The following KAZN variants were observed in gnomAD, a reference collection of about 807,000 sequenced individuals.
KAZN encodes kazrin, periplakin interacting protein.
KAZN carries 40 observed loss-of-function variants against 87.4 expected under a neutral mutation model. That is an observed-to-expected ratio of 0.46 (90% CI 0.36 to 0.60). KAZN has a LOEUF of 0.60. KAZN is among the 20% of genes least tolerant of loss of function. The pLI is 0.00. For synonymous variants in KAZN, 466 were observed against 458.3 expected (o/e 1.02, Z -0.22); for missense variants, 898 against 1,073.9 (o/e 0.84, Z 2.29).
chr1:14,652,453 A>G (rs1638447706), intron 1 of KAZN, among the ~76,000 whole-genome samples: 1 of 130,638 alleles, frequency 7.7e-6, no homozygotes, highest in African/African-American at 2.9e-5. Context: ...CCACCCACCC[A>G]TCTGCCTATC....
At chr1:14,100,430 A>G (rs529842904) in intron 1 of KAZN, among the ~76,000 whole-genome samples, 21 of 152,350 alleles carry the variant, frequency 1.4e-4, no homozygotes, top group African/African-American at 5.1e-4. Context: ...GTAGTTTATT[A>G]CAGCAAAAGG....
intron 1 of KAZN, among the ~76,000 whole-genome samples, chr1:14,809,446 T>A (rs757192845): frequency 6.6e-6 from 1 of 152,208 alleles, no homozygotes; most frequent in Non-Finnish European, 1.5e-5. Context: ...TATGTGCCGG[T>A]TGGTACCAAC....
At chr1:14,048,106 C>T (rs1642156248) in intron 1 of KAZN, among the ~76,000 whole-genome samples, 1 of 152,138 alleles carries the variant, frequency 6.6e-6, no homozygotes, top group African/African-American at 2.4e-5. Context: ...CTCTCTGCCT[C>T]ATTTTTCTCT....
chr1:15,070,363 G>C (rs933662124), intron 8 of KAZN, among the ~76,000 whole-genome samples: 1 of 152,180 alleles, frequency 6.6e-6, no homozygotes, highest in African/African-American at 2.4e-5. Flanking sequence ...AGCAGAAACC[G>C]GCTGCTGTCC....
chr1:14,347,130 G>C (rs963981584), intron 2 of KAZN, among the ~76,000 whole-genome samples: 3 of 152,200 alleles, frequency 2.0e-5, no homozygotes, highest in Non-Finnish European at 2.9e-5. Context: ...TGACACCTTT[G>C]CTTTGGGGAA....
At chr1:14,020,279 C>T (rs191464642) in intron 1 of KAZN, among the ~76,000 whole-genome samples, 10 of 152,272 alleles carry the variant, frequency 6.6e-5, no homozygotes, top group Non-Finnish European at 8.8e-5. Flanking sequence ...TAACAGGCCA[C>T]GGACTGATAT....
chr1:14,640,779 G>C (rs968824476), intron 1 of KAZN, among the ~76,000 whole-genome samples: 1 of 152,160 alleles, frequency 6.6e-6, no homozygotes, highest in Admixed American at 6.5e-5. Context: ...TGCCTTCACT[G>C]TCCATCCCCT....
chr1:14,831,477 G>C lies in KAZN; in HGVS notation c.227-129207G>C, dbSNP rs528042712. ...TCTGCCTTTGATAAAGAAAAATGTC[G>C]AAGTTTCCCTCTGTCACATAAAATG... On this transcript the variant is annotated intron_variant, in intron 1 of 14. Transcript: ENST00000376030. Among the ~76,000 whole-genome samples the C allele has an allele frequency of 4.6e-5, 7 of 152,246 alleles. No individual in the cohort carries two copies. The South Asian group carries it at 1.5e-3, about 32-fold the overall frequency.
chr1:14,514,619 A>ATATTTTATATTTTTTTTTATATTT (rs1557770564), intron 2 of KAZN, among the ~76,000 whole-genome samples: 1 of 53,148 alleles, frequency 1.9e-5, no homozygotes, highest in Admixed American at 2.6e-4. Flanking sequence ...ATATATATAT[A>ATATTTTATATTTTTTTTTATATTT]TATATATATA....
chr1:14,624,357 G>C (rs1678938200), intron 1 of KAZN, among the ~76,000 whole-genome samples: 1 of 152,082 alleles, frequency 6.6e-6, no homozygotes, highest in Non-Finnish European at 1.5e-5. Context: ...GGGAGGCGGA[G>C]GTTGCAGTGA....
At chr1:14,180,641 T>C in intron 2 of KAZN, 2 of 1,501,454 alleles carry the variant, frequency 1.3e-6, no homozygotes, top group East Asian at 2.5e-5. Context: ...GGAATCTTTT[T>C]TTCTTTTTGG....
In KAZN at chr1:15,042,468, G is replaced by C. The variant is rs186658705; in HGVS notation, c.556-1521G>C. Among the ~76,000 whole-genome samples, 3 of 152,296 alleles carry C rather than the reference G, an allele frequency of 2.0e-5. No individual in the cohort carries two copies. In the East Asian group the frequency reaches 5.8e-4, roughly 29 times the overall value. ...GGTCAGGGAAGGCTTCTCAGAGGAG[G>C]AGACAATTGAGCAGGGATCTGAGTG... On this transcript the variant is annotated intron_variant, in intron 3 of 14. Coordinates refer to ENST00000376030, the MANE Select transcript of KAZN (RefSeq NM_201628.3).
intron 2 of KAZN, among the ~76,000 whole-genome samples, chr1:14,384,635 T>C (rs902095121): frequency 3.9e-5 from 6 of 152,216 alleles, no homozygotes; most frequent in East Asian, 1.9e-4. Context: ...TTTAGGTATA[T>C]TGAACCAGCC....
chr1:14,680,906 G>A (rs1445473478), intron 1 of KAZN, among the ~76,000 whole-genome samples: 2 of 152,180 alleles, frequency 1.3e-5, no homozygotes, highest in Non-Finnish European at 2.9e-5. Context: ...GGTTCTGCAG[G>A]CTCTACAAGA....
chr1:15,047,754 G>A (rs1311310321), intron 4 of KAZN, among the ~76,000 whole-genome samples: 1 of 152,090 alleles, frequency 6.6e-6, no homozygotes, highest in Non-Finnish European at 1.5e-5. Flanking sequence ...CTGGGCAACA[G>A]AGCGAAACCC....
Position 14,735,591 on chromosome 1 carries a change from G to A in KAZN, c.226+136368G>A, listed in dbSNP as rs901757671. Among the ~76,000 whole-genome samples the A allele has an allele frequency of 6.6e-6, 1 of 152,082 alleles. No individual in the cohort carries two copies. The highest frequency in any genetic ancestry group is 1.5e-5 in the Non-Finnish European group (1 of 68,024). On this transcript the variant is annotated intron_variant, in intron 1 of 14. Transcript: ENST00000376030. This position sits in a 1 kb window ranked among gnomAD's most constrained non-coding sequence, Gnocchi z 4.3. ...ACCTAACGGCCGTTTTCACATGGCAGCCCCCCACGCTGAGATCCATATACC... is the reference window on the plus strand; with the variant it reads ...ACCTAACGGCCGTTTTCACATGGCAACCCCCCACGCTGAGATCCATATACC...
intron 2 of KAZN, among the ~76,000 whole-genome samples, chr1:14,441,129 C>T (rs1012744884): frequency 6.6e-6 from 1 of 152,102 alleles, no homozygotes; most frequent in Non-Finnish European, 1.5e-5. Context: ...GCCCCTGGAC[C>T]ATCTTCAGCT....
rs1229435446 is a variant in KAZN, at chr1:15,015,440, C to T, written c.419-19309C>T. On this transcript the variant is annotated intron_variant, in intron 2 of 14. Coordinates refer to ENST00000376030, the MANE Select transcript of KAZN (RefSeq NM_201628.3). ...TGTTGGGATTATAGGCGTGAGCCAC[C>T]GGGCCCGGCCATAAAAACTGATGTT... Among the ~76,000 whole-genome samples, 7 of 152,258 alleles carry T rather than the reference C, an allele frequency of 4.6e-5. No individual in the cohort carries two copies. The East Asian group carries it at 7.7e-4, about 17-fold the overall frequency.
intron 2 of KAZN, among the ~76,000 whole-genome samples, chr1:14,458,062 T>A (rs1291354670): frequency 6.6e-6 from 1 of 152,120 alleles, no homozygotes; most frequent in Non-Finnish European, 1.5e-5. Context: ...AACCTCATGA[T>A]CCCCCTGCCT....
Sources: allele counts gnomAD v4.1 joint callset (sites outside exome capture counted in the v4.1 genomes callset), GRCh38; gene constraint gnomAD v4.1.1; non-coding constraint Gnocchi (gnomAD v3.1); transcripts MANE v1.5; gene names NCBI Gene and HGNC (gene_info 2026-07-23, HGNC 2026-07-21).